Variants in FSTL5 observed in about 807,000 individuals in gnomAD.
FSTL5 encodes the protein follistatin-related protein 5.
FSTL5 carries 62 observed loss-of-function variants against 89.1 expected under a neutral mutation model. The ratio of observed to expected loss-of-function variants is 0.70; its 90% CI spans 0.57 to 0.86. FSTL5 has a LOEUF of 0.86. Among genes scored for constraint, FSTL5 ranks in the 40% least tolerant of loss-of-function variants. The pLI, the probability that FSTL5 is intolerant of heterozygous loss-of-function variation, is 0.00. For synonymous variants in FSTL5, 383 were observed against 346.2 expected (o/e 1.11, Z -1.18); for missense variants, 1,057 against 1,001.6 (o/e 1.06, Z -0.75).
intron 15 of FSTL5, among the ~76,000 whole-genome samples, chr4:161,446,711 TTTCAA>T (rs1188221319): frequency 6.6e-6 from 1 of 152,084 alleles, no homozygotes; most frequent in African/African-American, 2.4e-5. Flanking sequence ...CAATGTACAC[TTTCAA>T]TTCATGTAAG....
At chr4:161,533,395 C>T (rs748190278) in intron 10 of FSTL5, among the ~76,000 whole-genome samples, 10 of 151,960 alleles carry the variant, frequency 6.6e-5, no homozygotes, top group Admixed American at 2.0e-4. Flanking sequence ...GATGACATTA[C>T]AAATGATCCC....
At chr4:161,484,852 G>A (rs1578870028) in intron 12 of FSTL5, among the ~76,000 whole-genome samples, 1 of 152,160 alleles carries the variant, frequency 6.6e-6, no homozygotes, top group Admixed American at 6.5e-5. Flanking sequence ...TTAGACACTT[G>A]ATTTGTCATA....
In FSTL5 at chr4:161,421,411, T is replaced by C. The variant is rs898091596; in HGVS notation, c.1841+33593A>G. 1.6e-4 allele frequency among the ~76,000 whole-genome samples: 25 copies of C among 152,146 alleles called. 1 individual carries two copies. Among genetic ancestry groups the C allele is most frequent in the African/African-American group, 6.0e-4 (25 of 41,448 alleles). ...ATGTGCGTGTATCAAAGACATTATTTCTTCTTCTAGTGTAAGGTTACTACA... is the reference window on the plus strand; with the variant it reads ...ATGTGCGTGTATCAAAGACATTATTCCTTCTTCTAGTGTAAGGTTACTACA... On this transcript the variant is annotated intron_variant, in intron 15 of 15. Transcript: ENST00000306100.
chr4:161,893,529 A>T (rs1437499875), intron 4 of FSTL5, among the ~76,000 whole-genome samples: 1 of 152,176 alleles, frequency 6.6e-6, no homozygotes, highest in Admixed American at 6.5e-5. Context: ...GCATTATCAG[A>T]ATGCTTCATA....
At chr4:161,918,250 A>G (rs1225741251) in intron 4 of FSTL5, among the ~76,000 whole-genome samples, 1 of 152,134 alleles carries the variant, frequency 6.6e-6, no homozygotes, top group Non-Finnish European at 1.5e-5. Flanking sequence ...TATATTATTT[A>G]CTCCTTTCTG....
intron 6 of FSTL5, among the ~76,000 whole-genome samples, chr4:161,741,873 A>G (rs936090755): frequency 6.6e-6 from 1 of 151,880 alleles, no homozygotes; most frequent in Non-Finnish European, 1.5e-5. Flanking sequence ...ATTTTAGTAG[A>G]GACGGTTTCA....
At chr4:162,107,508 A>T (rs1368599031) in intron 2 of FSTL5, among the ~76,000 whole-genome samples, 1 of 152,154 alleles carries the variant, frequency 6.6e-6, no homozygotes, top group Admixed American at 6.6e-5. Flanking sequence ...GTCAATAGTC[A>T]CTACACTGTG....
intron 4 of FSTL5, among the ~76,000 whole-genome samples, chr4:161,869,628 T>A (rs1476289802): frequency 6.6e-6 from 1 of 152,144 alleles, no homozygotes; most frequent in Non-Finnish European, 1.5e-5. Flanking sequence ...TGGCATCTAA[T>A]AGGTAGAGGT....
intron 10 of FSTL5, among the ~76,000 whole-genome samples, chr4:161,533,240 C>T (rs1054932084): frequency 6.8e-6 from 1 of 147,058 alleles, no homozygotes; most frequent in African/African-American, 2.5e-5. Context: ...AAGAACTGAA[C>T]AAAATTGAGA....
At chr4:161,593,480 CA>C (rs1218105245) in intron 7 of FSTL5, among the ~76,000 whole-genome samples, 1 of 143,728 alleles carries the variant, frequency 7.0e-6, no homozygotes, top group Non-Finnish European at 1.5e-5. Flanking sequence ...AATCTTCTGA[CA>C]GAGAAAAAAA....
At chr4:162,061,459 G>T (rs191062848) in intron 2 of FSTL5, among the ~76,000 whole-genome samples, 2 of 152,222 alleles carry the variant, frequency 1.3e-5, no homozygotes, top group Admixed American at 1.3e-4. Flanking sequence ...GGTATTAGGA[G>T]TATCAAGCGA....
At chr4:161,961,571 ATAAT>A (rs1735177773) in intron 3 of FSTL5, among the ~76,000 whole-genome samples, 1 of 151,200 alleles carries the variant, frequency 6.6e-6, no homozygotes, top group Admixed American at 6.6e-5. Context: ...AGATATATAA[ATAAT>A]TGAGCTCTGA....
chr4:161,861,449 A>G (rs762037636), intron 4 of FSTL5, among the ~76,000 whole-genome samples: 62 of 152,110 alleles, frequency 4.1e-4, no homozygotes, highest in Non-Finnish European at 7.4e-4. Context: ...AGAAAGAAAG[A>G]AAGAGAAAGA....
chr4:161,709,333 C>A (rs1738695665), intron 6 of FSTL5, among the ~76,000 whole-genome samples: 1 of 151,996 alleles, frequency 6.6e-6, no homozygotes, highest in Admixed American at 6.6e-5. Context: ...CAGACATATT[C>A]TGTTTCTAAT....
chr4:162,028,059 GTTTATTCAGCA>G (rs1165021748), intron 3 of FSTL5, among the ~76,000 whole-genome samples: 1 of 151,988 alleles, frequency 6.6e-6, no homozygotes, highest in Non-Finnish European at 1.5e-5. Flanking sequence ...CTTGTCTGAT[GTTTATTCAGCA>G]TTACTGCTTG....
intron 13 of FSTL5, among the ~76,000 whole-genome samples, chr4:161,470,438 T>C (rs1399526234): frequency 6.6e-6 from 1 of 152,176 alleles, no homozygotes; most frequent in African/African-American, 2.4e-5. Flanking sequence ...TCCATTCTAT[T>C]ATTCTGTATA....
chr4:161,553,729 T>A (rs979427129), intron 8 of FSTL5, among the ~76,000 whole-genome samples: 1 of 151,562 alleles, frequency 6.6e-6, no homozygotes, highest in African/African-American at 2.4e-5. Flanking sequence ...AATTAGATTG[T>A]TAGCTATAAT....
chr4:161,536,383 G>A (rs1472891185), intron 10 of FSTL5, among the ~76,000 whole-genome samples: 1 of 152,062 alleles, frequency 6.6e-6, no homozygotes, highest in Non-Finnish European at 1.5e-5. Context: ...TAAGATGGGG[G>A]TTACAAAAGG....
chr4:161,721,284 CA>C (rs34307838), intron 6 of FSTL5, among the ~76,000 whole-genome samples: 802 of 65,052 alleles, frequency 0.012, 3 homozygotes, highest in African/African-American at 0.04. Context: ...GACTCCGTCT[CA>C]AAAAAAAAAA....
Sources: allele counts gnomAD v4.1 joint callset (sites outside exome capture counted in the v4.1 genomes callset), GRCh38; gene constraint gnomAD v4.1.1; transcripts MANE v1.5; gene names NCBI Gene and HGNC (gene_info 2026-07-23, HGNC 2026-07-21).